Variants in DNAH6 observed in about 807,000 individuals in gnomAD.
DNAH6 encodes axonemal beta dynein heavy chain 6.
In DNAH6, 340 loss-of-function variants were observed where a neutral mutation model predicts 491.4. That is an observed-to-expected ratio of 0.69 (90% confidence interval 0.63 to 0.76). The LOEUF is 0.76. Ranked by LOEUF, DNAH6 falls within the 30% of genes least tolerant of loss-of-function variation. DNAH6 has a pLI of 0.00. For missense variants in DNAH6, 4,443 were observed against 4,972.2 expected (o/e 0.89, Z 3.20); for synonymous variants, 1,603 against 1,686.1 (o/e 0.95, Z 1.21).
chr2:84,709,129 A>G (rs988410748), intron 54 of DNAH6, among the ~76,000 whole-genome samples: 6 of 152,218 alleles, frequency 3.9e-5, no homozygotes, highest in Non-Finnish European at 8.8e-5. Context: ...GATGTTTCCA[A>G]AGTCACATCT....
At position 84,704,245 on chromosome 2, in the gene DNAH6, A is replaced by G; in HGVS notation, c.8408A>G (p.Lys2803Arg). 6.4e-7 allele frequency: 1 copy of G among 1,551,794 alleles called. No individual in the cohort carries two copies. Residue 2803 changes from lysine (K) to arginine (R), a missense_variant, in exon 51 of 77, where the codon AAG (lysine) becomes AGG (arginine). Lys to Arg is a conservative substitution (Grantham distance 26). This residue lies in a region of DNAH6 where 1,463 missense variants were observed against 1,656.6 expected (regional missense o/e 0.88). Transcript: ENST00000389394. ...ATATCTGAAATCAGAGTTTTTACAA[A>G]GCCCCCAGATTTGGTCATGACAGTA... ...ADISEIRVFTKPPDLVMTVME... is the reference protein window; with the variant it reads ...ADISEIRVFTRPPDLVMTVME...
chr2:84,481,804 G>C, the DNAH6 span, among the ~76,000 whole-genome samples: 1 of 152,232 alleles, frequency 6.6e-6, no homozygotes, highest in Non-Finnish European at 1.5e-5. Flanking sequence ...TTAGGCCGTA[G>C]AAGCCTGCAT....
chr2:84,666,376 A>C lies in DNAH6; in HGVS notation c.6085-2913A>C, dbSNP rs575996127. Reference sequence around the variant, plus strand: ...TCCCATCGTCTCAGCCCAAAATCTGAAGAAGCTGATAAGCAACTTCAGCAA... The same window carrying C: ...TCCCATCGTCTCAGCCCAAAATCTGCAGAAGCTGATAAGCAACTTCAGCAA... On this transcript the variant is annotated intron_variant, in intron 37 of 76. Coordinates refer to ENST00000389394, the MANE Select transcript of DNAH6 (RefSeq NM_001370.2). Among the ~76,000 whole-genome samples, 6 of 152,304 alleles carry C rather than the reference A, an allele frequency of 3.9e-5. No individual in the cohort carries two copies. In the South Asian group the frequency reaches 1.2e-3, roughly 32 times the overall value.
chr2:84,801,761 G>C (rs1385594068), intron 70 of DNAH6, among the ~76,000 whole-genome samples: 1 of 151,858 alleles, frequency 6.6e-6, no homozygotes, highest in East Asian at 1.9e-4. Context: ...GTGTGAACCT[G>C]TAATCCCAGC....
At chr2:84,811,875 A>G (rs1680012693) in intron 72 of DNAH6, among the ~76,000 whole-genome samples, 1 of 150,958 alleles carries the variant, frequency 6.6e-6, no homozygotes, top group Non-Finnish European at 1.5e-5. Context: ...AAAAAAAAAA[A>G]AGGAATCTCC....
chr2:84,741,841 G>T (rs1051876190), intron 62 of DNAH6, among the ~76,000 whole-genome samples: 21 of 152,146 alleles, frequency 1.4e-4, no homozygotes, highest in Non-Finnish European at 1.5e-5. Context: ...CAATCTTTAG[G>T]CAGTTCCATA....
intron 14 of DNAH6, among the ~76,000 whole-genome samples, chr2:84,583,096 A>C (rs1327841004): frequency 1.3e-5 from 2 of 152,222 alleles, no homozygotes; most frequent in Non-Finnish European, 2.9e-5. Flanking sequence ...AAAATTAGGA[A>C]AGACAAGCAA....
rs1697744956 is a variant in DNAH6, at chr2:84,718,284, A to G, written c.9692A>G (p.Gln3231Arg). 1 of 1,551,446 alleles carries G rather than the reference A, an allele frequency of 6.4e-7. No homozygotes were observed. The highest frequency in any genetic ancestry group is 8.7e-7 in the Non-Finnish European group (1 of 1,146,940). ...GTGAGGATCAACACTGATAAAAACCAGTTGAAAACTATCGAAGAGAAAATC... is the reference window on the plus strand; with the variant it reads ...GTGAGGATCAACACTGATAAAAACCGGTTGAAAACTATCGAAGAGAAAATC... ...LIVRINTDKN[Q>R]LKTIEEKILR... Residue 3231 changes from glutamine (Q) to arginine (R), a missense_variant, in exon 59 of 77, where the codon CAG (glutamine) becomes CGG (arginine). Gln to Arg is a conservative substitution (Grantham distance 43, BLOSUM62 1). Coordinates refer to ENST00000389394, the MANE Select transcript of DNAH6 (RefSeq NM_001370.2).
In DNAH6 at chr2:84,652,427, A is replaced by G. The variant is rs927604879; in HGVS notation, c.5079-892A>G. Among the ~76,000 whole-genome samples the G allele has an allele frequency of 2.6e-5, 4 of 152,038 alleles. 1 individual carries two copies. The highest frequency in any genetic ancestry group is 6.6e-5 in the Admixed American group (1 of 15,252). ...GCATGTTCCTATTGTACTCTTACTT[A>G]TTGATTTATAGAAAGTCATAATCTT... On this transcript the variant is annotated intron_variant, in intron 33 of 76. Coordinates refer to ENST00000389394, the MANE Select transcript of DNAH6 (RefSeq NM_001370.2).
chr2:84,541,154 G>C (rs1372294347), intron 4 of DNAH6, among the ~76,000 whole-genome samples: 1 of 152,192 alleles, frequency 6.6e-6, no homozygotes, highest in Non-Finnish European at 1.5e-5. Flanking sequence ...CGAGGGAGCA[G>C]TCATCATCAT....
chr2:84,609,642 A>T (rs1256720535), intron 21 of DNAH6, among the ~76,000 whole-genome samples: 3 of 151,826 alleles, frequency 2.0e-5, no homozygotes, highest in African/African-American at 7.2e-5. Context: ...AACATCAAAG[A>T]TCACTGATCA....
chr2:84,734,806 A>G (rs1365450178), intron 62 of DNAH6, among the ~76,000 whole-genome samples: 2 of 152,242 alleles, frequency 1.3e-5, no homozygotes, highest in Non-Finnish European at 2.9e-5. Context: ...ATAGGTTTAC[A>G]GTTAAGTTCT....
chr2:84,653,605 T>C lies in DNAH6; in HGVS notation c.5365T>C (p.Tyr1789His). 1.3e-6 allele frequency: 2 copies of C among 1,551,354 alleles called. No individual in the cohort carries two copies. Among genetic ancestry groups the C allele is most frequent in the South Asian group, 2.4e-5 (2 of 84,054 alleles). The stretch of plus-strand genomic sequence containing the variant: ...TTCCTTTTACCAAGCAGTTAAAACA[T>C]ATGTTCTCAACCCTAAATCAATTAC... ...ENSFYQAVKTYVLNPKSITMG... is the reference protein window; with the variant it reads ...ENSFYQAVKTHVLNPKSITMG... The change falls in exon 34 of 77, where the codon TAT becomes CAT. Residue 1789 changes from tyrosine (Y) to histidine (H), a missense_variant. By Grantham distance (83) the Tyr-to-His change is moderately conservative (BLOSUM62 2). This residue lies in a region of DNAH6 where 2,977 missense variants were observed against 3,296.6 expected (regional missense o/e 0.90). Transcript: ENST00000389394.
intron 62 of DNAH6, among the ~76,000 whole-genome samples, chr2:84,744,583 T>C (rs1466000357): frequency 6.6e-6 from 1 of 152,248 alleles, no homozygotes; most frequent in Non-Finnish European, 1.5e-5. Flanking sequence ...TATCATAGAC[T>C]GATTTTATTT....
At chr2:84,571,631 C>A (rs950933081) in intron 11 of DNAH6, among the ~76,000 whole-genome samples, 6 of 151,826 alleles carry the variant, frequency 4.0e-5, no homozygotes, top group African/African-American at 1.5e-4. Context: ...TAAAGAAAAC[C>A]ATCCAGGCGC....
intron 43 of DNAH6, 36 bp from the exon 44 acceptor site, chr2:84,686,448 C>A: frequency 8.7e-7 from 1 of 1,147,488 alleles, no homozygotes; most frequent in East Asian, 2.6e-5. Flanking sequence ...TCAAGATTAT[C>A]ATTATATTTA....
chr2:84,784,381 A>G (rs1430200450), intron 65 of DNAH6, among the ~76,000 whole-genome samples: 1 of 152,232 alleles, frequency 6.6e-6, no homozygotes, highest in African/African-American at 2.4e-5. Flanking sequence ...AAATAAATAC[A>G]TGGGCAATAA....
intron 65 of DNAH6, among the ~76,000 whole-genome samples, chr2:84,782,705 C>T (rs1676807382): frequency 6.6e-6 from 1 of 152,178 alleles, no homozygotes. Context: ...GGGCCTGCTT[C>T]CTGCTGGGCC....
chr2:84,606,992 G>C lies in DNAH6; in HGVS notation c.3191G>C (p.Ser1064Thr). The C allele has an allele frequency of 6.4e-7, 1 of 1,550,888 alleles. No homozygotes were observed. The highest frequency in any genetic ancestry group is 1.4e-5 in the African/African-American group (1 of 73,138). The change falls in exon 21 of 77, where the codon AGC becomes ACC. Residue 1064 changes from serine to threonine, a missense_variant. By Grantham distance (58) the Ser-to-Thr change is moderately conservative. Coordinates refer to ENST00000389394, the MANE Select transcript of DNAH6 (RefSeq NM_001370.2). ...TDDIQVLLDD[S>T]TINVATLASS... Reference sequence around the variant, plus strand: ...CCTTTAAAGGTCCTTCTTGATGATAGCACCATCAATGTTGCAACTCTTGCC... The same window carrying C: ...CCTTTAAAGGTCCTTCTTGATGATACCACCATCAATGTTGCAACTCTTGCC...
Sources: gnomAD v4.1 joint callset for allele counts (sites outside exome capture counted in the v4.1 genomes callset) on GRCh38, gnomAD v4.1.1 for gene constraint, gnomAD v4.1.1 regional missense constraint, MANE v1.5 for transcripts, NCBI Gene and HGNC (gene_info 2026-07-23, HGNC 2026-07-21) for gene names.